The following CASQ2 variants were observed in gnomAD, a reference collection of about 807,000 sequenced individuals.
CASQ2 encodes the protein calsequestrin 2.
A neutral mutation model predicts 46.5 loss-of-function variants in CASQ2; 49 were observed. The ratio of observed to expected loss-of-function variants is 1.05; its 90% CI spans 0.84 to 1.34. The LOEUF is 1.34. Ranked by LOEUF, CASQ2 falls within the 40% of genes most tolerant of loss-of-function variation. The probability of loss-of-function intolerance (pLI) is 0.00; values close to 1 mark genes in which losing one functional copy is unlikely to be tolerated. For missense variants in CASQ2, 486 were observed against 481.3 expected (o/e 1.01, Z -0.09); for synonymous variants, 174 against 168.5 (o/e 1.03, Z -0.25).
intron 10 of CASQ2, 21 bp from the exon 11 acceptor site, chr1:115,701,447 A>G (rs1654203079): frequency 1.3e-6 from 2 of 1,503,774 alleles, no homozygotes; most frequent in Non-Finnish European, 1.9e-6. Context: ...GGACAAAATG[A>G]ATGAGTGGGT....
At chr1:115,760,862 CAATT>C (rs780045133) in intron 1 of CASQ2, among the ~76,000 whole-genome samples, 4 of 152,168 alleles carry the variant, frequency 2.6e-5, no homozygotes, top group African/African-American at 9.7e-5. Flanking sequence ...TTCAAGCACT[CAATT>C]AGTCATTCTA....
chr1:115,737,877 C>T (rs1346726579), intron 4 of CASQ2, among the ~76,000 whole-genome samples: 2 of 152,170 alleles, frequency 1.3e-5, no homozygotes, highest in African/African-American at 2.4e-5. Flanking sequence ...ATAGGAGCTA[C>T]CAATGCCAGG....
At chr1:115,758,218 G>A (rs898307368) in intron 1 of CASQ2, among the ~76,000 whole-genome samples, 36 of 152,318 alleles carry the variant, frequency 2.4e-4, no homozygotes, top group Admixed American at 7.2e-4. Context: ...ATAGCTTTGT[G>A]AGTTTAGGCA....
chr1:115,732,774 C>G (rs1335226024), intron 5 of CASQ2, 127 bp downstream of exon 5: 1 of 727,726 alleles, frequency 1.4e-6, no homozygotes, highest in East Asian at 2.6e-5. Context: ...AATTCTTAAC[C>G]CTTCTAGAGA....
intron 1 of CASQ2, 107 bp from the exon 2 acceptor site, chr1:115,745,019 G>T (rs2101101216): frequency 2.5e-6 from 2 of 801,986 alleles, no homozygotes; most frequent in Non-Finnish European, 4.3e-6. Flanking sequence ...CTCTATACTT[G>T]CTGTTACTAT....
At chr1:115,730,486 A>G (rs976967935) in intron 5 of CASQ2, among the ~76,000 whole-genome samples, 6 of 152,230 alleles carry the variant, frequency 3.9e-5, no homozygotes, top group Admixed American at 3.3e-4. Context: ...AGGGCACTCA[A>G]TAAATACTTG....
intron 8 of CASQ2, among the ~76,000 whole-genome samples, chr1:115,709,724 G>A (rs2101060518): frequency 6.6e-6 from 1 of 152,300 alleles, no homozygotes; most frequent in East Asian, 1.9e-4. Context: ...CTAAAAGGCT[G>A]ACTACAGAGT....
intron 5 of CASQ2, among the ~76,000 whole-genome samples, chr1:115,729,259 A>G (rs1647706621): frequency 6.6e-6 from 1 of 151,954 alleles, no homozygotes; most frequent in Non-Finnish European, 1.5e-5. Context: ...CATGTTGGCC[A>G]GGCTGGTCTT....
chr1:115,712,810 G>T (rs1018573411), intron 8 of CASQ2, among the ~76,000 whole-genome samples: 4 of 148,118 alleles, frequency 2.7e-5, no homozygotes, highest in Non-Finnish European at 5.9e-5. Context: ...GAGCAGAGAT[G>T]GTGCCACTGC....
chr1:115,766,877 A>T (rs1400709385), intron 1 of CASQ2, among the ~76,000 whole-genome samples: 1 of 124,640 alleles, frequency 8.0e-6, no homozygotes, highest in Non-Finnish European at 1.8e-5. Flanking sequence ...ATAGATAGAT[A>T]GATAGATAGA....
chr1:115,704,832 G>A (rs926314699), intron 9 of CASQ2, among the ~76,000 whole-genome samples: 5 of 152,162 alleles, frequency 3.3e-5, no homozygotes, highest in African/African-American at 7.2e-5. Context: ...TAGTAATTCA[G>A]GTGGCCTCAG....
chr1:115,746,679 GC>G (rs1467616537), intron 1 of CASQ2, among the ~76,000 whole-genome samples: 1 of 152,004 alleles, frequency 6.6e-6, no homozygotes, highest in Non-Finnish European at 1.5e-5. Context: ...CAACTGGATT[GC>G]TTTTTGGCTG....
At position 115,717,840 on chromosome 1, in the gene CASQ2, C is replaced by T. The variant is rs1647217290; in HGVS notation, c.838G>A (p.Asp280Asn). 2 of 1,606,956 alleles carry T rather than the reference C, an allele frequency of 1.2e-6. No individual in the cohort carries two copies. The highest frequency in any genetic ancestry group is 1.1e-5 in the South Asian group (1 of 90,902). ...IVAFAEKSDP[D>N]GYEFLEILKQ... ...AAAGAGCAGGTTGAAGGTTTCCTACCTGGATCACTCTTCTCTGCAAAGGCC... is the reference window on the plus strand; with the variant it reads ...AAAGAGCAGGTTGAAGGTTTCCTACTTGGATCACTCTTCTCTGCAAAGGCC... Residue 280 changes from aspartate (D) to asparagine (N), a missense_variant and splice_region_variant, in exon 8 of 11, where the codon GAT becomes AAT. Transcript: ENST00000261448.
chr1:115,744,896 A>G lies in CASQ2; in HGVS notation c.251T>C (p.Leu84Pro). The G allele has an allele frequency of 6.2e-7, 1 of 1,613,388 alleles. No homozygotes were observed. Among genetic ancestry groups the G allele is most frequent in the Non-Finnish European group, 8.5e-7 (1 of 1,179,456 alleles). Residue 84 changes from leucine to proline, a missense_variant, in exon 2 of 11, where the codon CTT (leucine) becomes CCT (proline). Leu to Pro is a moderately conservative substitution (Grantham distance 98, BLOSUM62 -3). Coordinates refer to ENST00000261448, the MANE Select transcript of CASQ2 (RefSeq NM_001232.4). ...CACAAAGCCTATAGCTTTATGTTCAAGGACCTGGGCCACAAGCTGAAGAAA... is the reference window on the plus strand; with the variant it reads ...CACAAAGCCTATAGCTTTATGTTCAGGGACCTGGGCCACAAGCTGAAGAAA... Reference protein sequence around the residue: ...EIVLELVAQVLEHKAIGFVMV... With the variant: ...EIVLELVAQVPEHKAIGFVMV...
chr1:115,709,242 T>A (rs1208740866), intron 8 of CASQ2, among the ~76,000 whole-genome samples: 2 of 152,194 alleles, frequency 1.3e-5, no homozygotes, highest in African/African-American at 4.8e-5. Flanking sequence ...GCAAGTCCCC[T>A]GGAAAAGAGA....
intron 1 of CASQ2, among the ~76,000 whole-genome samples, chr1:115,760,029 G>A (rs1314951896): frequency 6.6e-6 from 1 of 152,300 alleles, no homozygotes; most frequent in Non-Finnish European, 1.5e-5. Flanking sequence ...AGGTCCAAAG[G>A]ATTAGTCACT....
chr1:115,749,761 T>C lies in CASQ2; in HGVS notation c.235-4849A>G, dbSNP rs531725780. Among the ~76,000 whole-genome samples, 8 of 152,328 alleles carry C rather than the reference T, an allele frequency of 5.3e-5. No individual in the cohort carries two copies. The East Asian group carries it at 1.4e-3, about 26-fold the overall frequency. Reference sequence around the variant, plus strand: ...AGTCTGTCTACCTCTCACATTTGGCTTGGCCTTGCCTCCACCTTTACTTTG... The same window carrying C: ...AGTCTGTCTACCTCTCACATTTGGCCTGGCCTTGCCTCCACCTTTACTTTG... On this transcript the variant is annotated intron_variant, in intron 1 of 10. Transcript: ENST00000261448.
Position 115,701,253 on chromosome 1 carries a change from A to T in CASQ2, c.1188T>A (p.Asp396Glu), listed in dbSNP as rs751885773. ...DEEDNDDSDD[D>E]DDE ...GTTTGGAGTTGGGCTATTCATCATC[A>T]TCGTCATCACTGTCATCATTATCCT... The change falls in exon 11 of 11, where the codon GAT becomes GAA. Residue 396 changes from aspartate (D) to glutamate (E), a missense_variant. Asp to Glu is a conservative substitution (Grantham distance 45). Transcript: ENST00000261448. 12 of 1,605,824 alleles carry T rather than the reference A, an allele frequency of 7.5e-6. No individual in the cohort carries two copies. Among genetic ancestry groups the T allele is most frequent in the Middle Eastern group, 3.3e-4 (2 of 6,018 alleles).
At chr1:115,704,361 C>T (rs1472552688) in intron 9 of CASQ2, among the ~76,000 whole-genome samples, 3 of 152,212 alleles carry the variant, frequency 2.0e-5, no homozygotes, top group Admixed American at 2.0e-4. Context: ...ATTGGAATAT[C>T]ACATCTATCA....
Sources: allele counts gnomAD v4.1 joint callset (sites outside exome capture counted in the v4.1 genomes callset), GRCh38; gene constraint gnomAD v4.1.1; transcripts MANE v1.5; gene names NCBI Gene and HGNC (gene_info 2026-07-23, HGNC 2026-07-21).